Variants in GID8 observed in about 807,000 individuals in gnomAD.
GID8 encodes the protein glucose-induced degradation protein 8 homolog.
Under a neutral mutation model 27.4 loss-of-function variants are expected in GID8, and 6 were observed. The ratio of observed to expected loss-of-function variants is 0.22; its 90% confidence interval spans 0.12 to 0.43. The LOEUF (loss-of-function observed/expected upper bound fraction) is 0.43, where lower values mean the gene tolerates loss of function less well. GID8 is among the 20% of genes least tolerant of loss of function. The pLI is 1.00. For synonymous variants in GID8, 112 were observed against 109.0 expected (o/e 1.03, Z -0.17); for missense variants, 173 against 287.6 (o/e 0.60, Z 2.88).
At position 62,946,510 on chromosome 20, in the gene GID8, GTTTAC is replaced by G. The variant is rs2065467168; in HGVS notation, c.*1604_*1608del. On this transcript the variant is annotated 3_prime_UTR_variant, in exon 5 of 5. Transcript: ENST00000266069. ...CCAGTGGGTAGGAGCTTTTGGCAGT[GTTTAC>G]TTTACCTAGATGGCTTATATAATCC... is the stretch of plus-strand genomic sequence containing the variant. 1 of 154,700 alleles carries G rather than the reference GTTTAC, an allele frequency of 6.5e-6. No homozygotes were observed. The highest frequency in any genetic ancestry group is 1.4e-5 in the Non-Finnish European group (1 of 69,704). The allele number at this position is 154,700 out of a possible 1,614,324, so 9.6% of individuals were successfully genotyped here. A position where few individuals can be genotyped will look rare whatever the true frequency, so the allele number is the denominator to read the frequency against.
In GID8 at chr20:62,947,955, A is replaced by G. The variant is rs1265816026; in HGVS notation, c.*3043A>G. 1.3e-5 allele frequency: 2 copies of G among 152,254 alleles called. No homozygotes were observed. Among genetic ancestry groups the G allele is most frequent in the Admixed American group, 1.3e-4 (2 of 15,290 alleles). The allele number at this position is 152,254 out of a possible 1,614,324, so 9.4% of individuals were successfully genotyped here. On this transcript the variant is annotated 3_prime_UTR_variant, in exon 5 of 5. Transcript: ENST00000266069. ...AGAATCTTACACATGTGTTGAAGAC[A>G]TTGATGTCATAGGGAGCGGGGAGCT...
chr20:62,940,187 C>CTTTT (rs547746346), intron 1 of GID8, among the ~76,000 whole-genome samples: 1 of 132,244 alleles, frequency 7.6e-6, no homozygotes, highest in African/African-American at 2.7e-5. Flanking sequence ...TCTTTTTTTT[C>CTTTT]TTTTTTTTTT....
chr20:62,940,833 A>G (rs928852723), intron 1 of GID8, among the ~76,000 whole-genome samples: 2 of 152,200 alleles, frequency 1.3e-5, no homozygotes, highest in Non-Finnish European at 2.9e-5. Flanking sequence ...TTTTTAACCT[A>G]TTTGGTGGCC....
At position 62,945,879 on chromosome 20, in the gene GID8, C is replaced by A; in HGVS notation, c.*967C>A. On this transcript the variant is annotated 3_prime_UTR_variant, in exon 5 of 5. Transcript: ENST00000266069. ...GGAACGCGTGTTCATCCTCAGTGAT[C>A]TGCCCTCCAGCATCTCGGCAGCATC... 1 of 1,289,704 alleles carries A rather than the reference C, an allele frequency of 7.8e-7. No individual in the cohort carries two copies. Among genetic ancestry groups the A allele is most frequent in the Middle Eastern group, 2.1e-4 (1 of 4,696 alleles). The allele number at this position is 1,289,704 out of a possible 1,614,324, so 79.9% of individuals were successfully genotyped here.
In GID8 at chr20:62,945,933, G is replaced by T. The variant is rs118026793; in HGVS notation, c.*1021G>T. The T allele has an allele frequency of 1.0e-5, 13 of 1,289,324 alleles. No homozygotes were observed. The Admixed American group carries it at 3.0e-4, about 30-fold the overall frequency. 79.9% of individuals were successfully genotyped at this position (1,289,324 alleles called of 1,614,324 possible). Reference sequence around the variant, plus strand: ...TCCTCCATCGTCAGCTGGCTCTGCCGATGTCCTGCTTCTGTTCACTCACAG... The same window carrying T: ...TCCTCCATCGTCAGCTGGCTCTGCCTATGTCCTGCTTCTGTTCACTCACAG... On this transcript the variant is annotated 3_prime_UTR_variant, in exon 5 of 5. Transcript: ENST00000266069.
intron 1 of GID8, among the ~76,000 whole-genome samples, chr20:62,940,476 A>T (rs1047815815): frequency 1.3e-5 from 2 of 151,788 alleles, no homozygotes; most frequent in Admixed American, 6.6e-5. Flanking sequence ...CAGCCTCTGG[A>T]GTAGCTGGGA....
intron 1 of GID8, among the ~76,000 whole-genome samples, chr20:62,941,290 G>A (rs2065442450): frequency 6.6e-6 from 1 of 152,240 alleles, no homozygotes; most frequent in South Asian, 2.1e-4. Context: ...CCGTTCTCCT[G>A]ATACCAGAGT....
intron 2 of GID8, among the ~76,000 whole-genome samples, chr20:62,942,638 T>C (rs1568902956): frequency 6.6e-6 from 1 of 152,150 alleles, no homozygotes; most frequent in Non-Finnish European, 1.5e-5. Flanking sequence ...CCAGTGTGAC[T>C]TGCCTAACCT....
rs543260003 is a variant in GID8, at chr20:62,943,084, G to A, written c.216G>A (p.Glu72=). ...ETLDERIKIR[E]MILKGQIQEA... The stretch of plus-strand genomic sequence containing the variant: ...TTGATGAACGAATCAAGATCCGGGA[G>A]ATGATACTGAAAGGTCAGATTCAGG... The change falls in exon 3 of 5, where the codon GAG becomes GAA. Residue 72 remains glutamate (E), a synonymous_variant. Transcript: ENST00000266069. This position sits in a 1 kb window ranked among gnomAD's most constrained non-coding sequence, Gnocchi z 4.7. 1.2e-6 allele frequency: 2 copies of A among 1,613,984 alleles called. No homozygotes were observed. Among genetic ancestry groups the A allele is most frequent in the Non-Finnish European group, 8.5e-7 (1 of 1,179,830 alleles).
At chr20:62,941,388 A>G in intron 1 of GID8, 103 bp from the exon 2 acceptor site, 1 of 687,812 alleles carries the variant, frequency 1.5e-6, no homozygotes, top group Non-Finnish European at 2.7e-6. Context: ...CTTTCCGTAC[A>G]TGCTCAGTGT....
At position 62,943,303 on chromosome 20, in the gene GID8, G is replaced by A. The variant is rs2065451834; in HGVS notation, c.315+120G>A. The stretch of plus-strand genomic sequence containing the variant: ...TAATGTTATTTCAATGCATGTGAGG[G>A]GGAGAGGTTTGAGTTTGCTCTTTTA... On this transcript the variant is annotated intron_variant, in intron 3 of 4. Transcript: ENST00000266069. This position sits in a 1 kb window ranked among gnomAD's most constrained non-coding sequence, Gnocchi z 4.7. The A allele has an allele frequency of 2.1e-6, 2 of 972,268 alleles. No homozygotes were observed. The highest frequency in any genetic ancestry group is 3.4e-4 in the Middle Eastern group (1 of 2,982). The allele number at this position is 972,268 out of a possible 1,614,324, so 60.2% of individuals were successfully genotyped here.
Position 62,945,356 on chromosome 20 carries a change from G to GTTT in GID8, c.*455_*457dup. 6 of 830,764 alleles carry GTTT rather than the reference G, an allele frequency of 7.2e-6. No individual in the cohort carries two copies. The highest frequency in any genetic ancestry group is 5.4e-5 in the South Asian group (1 of 18,584). The allele number at this position is 830,764 out of a possible 1,614,324, so 51.5% of individuals were successfully genotyped here. A position where few individuals can be genotyped will look rare whatever the true frequency, so the allele number is the denominator to read the frequency against. On this transcript the variant is annotated 3_prime_UTR_variant, in exon 5 of 5. Transcript: ENST00000266069. ...TTTTCCTTACCCCTGTGGTTTTTGT[G>GTTT]TTTTTTTTTTTTTCTTTTTCCATAG...
Position 62,947,530 on chromosome 20 carries a change from G to C in GID8, c.*2618G>C, listed in dbSNP as rs572623271. 6.6e-6 allele frequency: 1 copy of C among 152,626 alleles called. No homozygotes were observed. Among genetic ancestry groups the C allele is most frequent in the Non-Finnish European group, 1.5e-5 (1 of 68,042 alleles). 9.5% of individuals were successfully genotyped at this position (152,626 alleles called of 1,614,324 possible). ...GAGAGTGCCTTGAAATAAAATGTGAGAGTATTCTGGTACTCTGTGTTCCAG... is the reference window on the plus strand; with the variant it reads ...GAGAGTGCCTTGAAATAAAATGTGACAGTATTCTGGTACTCTGTGTTCCAG... On this transcript the variant is annotated 3_prime_UTR_variant, in exon 5 of 5. Coordinates refer to ENST00000266069, the MANE Select transcript of GID8 (RefSeq NM_017896.3).
intron 2 of GID8, 55 bp downstream of exon 2, chr20:62,941,675 C>A: frequency 1.0e-6 from 1 of 980,162 alleles, no homozygotes; most frequent in African/African-American, 1.6e-5. Flanking sequence ...CCTTTTTGAA[C>A]ACATAAGGAG....
At position 62,946,368 on chromosome 20, in the gene GID8, T is replaced by G. The variant is rs1271445290; in HGVS notation, c.*1456T>G. ...TGAGGGACCGTCCTCACCGAGCTCC[T>G]GCATCCCTTGAGTGTTGATCAGGAG... On this transcript the variant is annotated 3_prime_UTR_variant, in exon 5 of 5. Coordinates refer to ENST00000266069, the MANE Select transcript of GID8 (RefSeq NM_017896.3). The G allele has an allele frequency of 4.4e-6, 1 of 224,800 alleles. No individual in the cohort carries two copies. The highest frequency in any genetic ancestry group is 9.1e-6 in the Non-Finnish European group (1 of 110,410). The allele number at this position is 224,800 out of a possible 1,614,324, so 13.9% of individuals were successfully genotyped here.
rs1038442977 is a variant in GID8, at chr20:62,945,807, G to A, written c.*895G>A. 2.5e-5 allele frequency: 32 copies of A among 1,286,500 alleles called. No homozygotes were observed. Among genetic ancestry groups the A allele is most frequent in the Non-Finnish European group, 3.0e-5 (30 of 986,568 alleles). 79.7% of individuals were successfully genotyped at this position (1,286,500 alleles called of 1,614,324 possible). On this transcript the variant is annotated 3_prime_UTR_variant, in exon 5 of 5. Coordinates refer to ENST00000266069, the MANE Select transcript of GID8 (RefSeq NM_017896.3). ...CATTAGAGCGAGGCAGCCCTTGGCC[G>A]GTGGGGACGCAGAGCCCCAGCAGGT...
chr20:62,942,235 C>T (rs79740224), intron 2 of GID8, among the ~76,000 whole-genome samples: 2,221 of 152,126 alleles, frequency 0.015, 57 homozygotes, highest in African/African-American at 0.049. Flanking sequence ...AGATTGTTCG[C>T]GCCTAGGAAT....
In GID8 at chr20:62,945,057, GA is replaced by G; in HGVS notation, c.*150del. The G allele has an allele frequency of 2.1e-6, 3 of 1,426,188 alleles. No individual in the cohort carries two copies. Among genetic ancestry groups the G allele is most frequent in the Non-Finnish European group, 9.1e-7 (1 of 1,093,114 alleles). The allele number at this position is 1,426,188 out of a possible 1,614,324, so 88.3% of individuals were successfully genotyped here. On this transcript the variant is annotated 3_prime_UTR_variant, in exon 5 of 5. Coordinates refer to ENST00000266069, the MANE Select transcript of GID8 (RefSeq NM_017896.3). ...TTTTGACCTGGCATCTTTTTATAGGGAAAAATGGCCTTTGTAGGCAGTGGAA... is the reference window on the plus strand; with the variant it reads ...TTTTGACCTGGCATCTTTTTATAGGGAAAATGGCCTTTGTAGGCAGTGGAA...
chr20:62,939,086 C>T (rs780094673), intron 1 of GID8, among the ~76,000 whole-genome samples: 1 of 151,964 alleles, frequency 6.6e-6, no homozygotes, highest in Non-Finnish European at 1.5e-5. Flanking sequence ...CCACTGCCCT[C>T]CAGCCTGGGC....
Sources: allele counts gnomAD v4.1 joint callset (sites outside exome capture counted in the v4.1 genomes callset), GRCh38; gene constraint gnomAD v4.1.1; non-coding constraint Gnocchi (gnomAD v3.1); transcripts MANE v1.5; gene names NCBI Gene and HGNC (gene_info 2026-07-23, HGNC 2026-07-21).